ARHGAP35: variants seen among roughly 807,000 people sequenced by gnomAD.
ARHGAP35 encodes the protein rho GTPase-activating protein 35.
Under a neutral mutation model 111.1 loss-of-function variants are expected in ARHGAP35, and 15 were observed. The observed-to-expected ratio is 0.13, with a 90% confidence interval of 0.09 to 0.21. The LOEUF (loss-of-function observed/expected upper bound fraction) is 0.21, where lower values mean the gene tolerates loss of function less well. Ranked by LOEUF, ARHGAP35 falls within the 10% of genes least tolerant of loss-of-function variation. ARHGAP35 has a pLI of 1.00. For missense variants in ARHGAP35, 1,262 were observed against 1,873.0 expected (o/e 0.67, Z 6.02); for synonymous variants, 643 against 710.3 (o/e 0.91, Z 1.51).
At chr19:46,979,317 G>A (rs373657570) in intron 3 of ARHGAP35, among the ~76,000 whole-genome samples, 12 of 152,060 alleles carry the variant, frequency 7.9e-5, no homozygotes, top group African/African-American at 2.9e-4. Context: ...TTGGCAGGAC[G>A]GCTCTCCCAG....
intron 3 of ARHGAP35, chr19:46,947,745 G>T (rs1190685527): frequency 6.6e-6 from 1 of 152,186 alleles, no homozygotes; most frequent in Non-Finnish European, 1.5e-5. Context: ...CACATCCCCA[G>T]ACACCAGTTG....
intron 1 of ARHGAP35, among the ~76,000 whole-genome samples, chr19:46,870,508 G>A (rs2055882219): frequency 6.6e-6 from 1 of 151,990 alleles, no homozygotes; most frequent in Non-Finnish European, 1.5e-5. Flanking sequence ...GAACCCAGGA[G>A]GCGGAGCTTG....
intron 3 of ARHGAP35, among the ~76,000 whole-genome samples, chr19:46,983,606 C>CTTTTTTTTTTTTTT (rs11383795): frequency 1.4e-5 from 1 of 69,266 alleles, no homozygotes; most frequent in Non-Finnish European, 2.6e-5. Flanking sequence ...AATGTCCATT[C>CTTTTTTTTTTTTTT]TTTTTTTTTT....
rs1257223453 is a variant in ARHGAP35, at chr19:46,901,538, A to G, written c.-188-16950A>G. Among the ~76,000 whole-genome samples, 2 of 152,200 alleles carry G rather than the reference A, an allele frequency of 1.3e-5. No homozygotes were observed. The highest frequency in any genetic ancestry group is 2.4e-5 in the African/African-American group (1 of 41,438). On this transcript the variant is annotated intron_variant, in intron 1 of 6. Transcript: ENST00000672722. The surrounding 1 kb of genome is among the most constrained non-coding windows in gnomAD (Gnocchi z 4.5). Reference sequence around the variant, plus strand: ...GCGCCACTGCACTCCAGCCTGGGTGACAGAGCTTAGACTCTGTCTCACACA... The same window carrying G: ...GCGCCACTGCACTCCAGCCTGGGTGGCAGAGCTTAGACTCTGTCTCACACA...
In ARHGAP35 at chr19:47,001,143, T is replaced by G; in HGVS notation, c.*455T>G. On this transcript the variant is annotated 3_prime_UTR_variant, in exon 7 of 7. Transcript: ENST00000672722. This position sits in a 1 kb window ranked among gnomAD's most constrained non-coding sequence, Gnocchi z 5.4. ...TTGGTCTGTCTCTTCCCACCTTCCA[T>G]CTGCACACACCCCCAAGGTAAGGGT... is the stretch of plus-strand genomic sequence containing the variant. 1.6e-6 allele frequency: 2 copies of G among 1,226,964 alleles called. No homozygotes were observed. The allele number at this position is 1,226,964 out of a possible 1,614,324, so 76.0% of individuals were successfully genotyped here.
At chr19:46,872,503 A>G (rs1268163720) in intron 1 of ARHGAP35, among the ~76,000 whole-genome samples, 2 of 152,036 alleles carry the variant, frequency 1.3e-5, no homozygotes, top group African/African-American at 4.8e-5. Context: ...TGAGCTGAAA[A>G]GCAAGAAATT....
intron 1 of ARHGAP35, among the ~76,000 whole-genome samples, chr19:46,887,307 G>A (rs1310089250): frequency 6.6e-6 from 1 of 152,058 alleles, no homozygotes; most frequent in Admixed American, 6.5e-5. Context: ...CTGGAATGTG[G>A]GATCTTGGAT....
chr19:46,920,600 G>A lies in ARHGAP35; in HGVS notation c.1925G>A (p.Gly642Glu). The A allele has an allele frequency of 6.2e-7, 1 of 1,613,998 alleles. No individual in the cohort carries two copies. The highest frequency in any genetic ancestry group is 8.5e-7 in the Non-Finnish European group (1 of 1,179,902). Residue 642 changes from glycine (G) to glutamate (E), a missense_variant, in exon 2 of 7, where the codon GGG (glycine) becomes GAG (glutamate). Physicochemically the swap from Gly to Glu is moderately conservative, Grantham distance 98. This residue lies in a region of ARHGAP35 where 37 missense variants were observed against 83.9 expected (regional missense o/e 0.44). Transcript: ENST00000672722. The surrounding 1 kb of genome is among the most constrained non-coding windows in gnomAD (Gnocchi z 7.0). ...MYELSLRPIE[G>E]NVRLPVNSFQ... ...GAGCTTTCCCTGAGGCCAATAGAGGGGAATGTCAGGCTTCCTGTGAACTCT... is the reference window on the plus strand; with the variant it reads ...GAGCTTTCCCTGAGGCCAATAGAGGAGAATGTCAGGCTTCCTGTGAACTCT...
chr19:46,982,366 A>G (rs557363825), intron 3 of ARHGAP35, among the ~76,000 whole-genome samples: 1 of 151,714 alleles, frequency 6.6e-6, no homozygotes, highest in African/African-American at 2.4e-5. Flanking sequence ...AATCCCAGCT[A>G]CTCGGGAGGC....
At chr19:46,864,968 C>G (rs907362941) in intron 1 of ARHGAP35, among the ~76,000 whole-genome samples, 30 of 152,282 alleles carry the variant, frequency 2.0e-4, no homozygotes, top group Admixed American at 5.9e-4. Context: ...ATGAAAAGTT[C>G]CTGCATGCCA....
At chr19:46,914,103 G>C (rs1395276800) in intron 1 of ARHGAP35, among the ~76,000 whole-genome samples, 1 of 152,112 alleles carries the variant, frequency 6.6e-6, no homozygotes, top group Non-Finnish European at 1.5e-5. Context: ...AACAGTCTTT[G>C]TTTACCGTGT....
rs1568455415 is a variant in ARHGAP35 at position 46,861,105 on chromosome 19, C to T, written c.-293C>T. ...CCCCCGCCGCCGGAGCCGCCGCCGC[C>T]GCCTCAGCCGCCGCTGGACTAGGAG... On this transcript the variant is annotated 5_prime_UTR_variant, in exon 1 of 7. Transcript: ENST00000672722. 1.3e-5 allele frequency among the ~76,000 whole-genome samples: 2 copies of T among 151,216 alleles called. No homozygotes were observed. Among genetic ancestry groups the T allele is most frequent in the Non-Finnish European group, 3.0e-5 (2 of 67,450 alleles).
chr19:46,997,238 C>CTT (rs2056715667), intron 5 of ARHGAP35, among the ~76,000 whole-genome samples: 1 of 152,176 alleles, frequency 6.6e-6, no homozygotes, highest in African/African-American at 2.4e-5. Flanking sequence ...CTGCTCATAG[C>CTT]CCAATAACTA....
intron 1 of ARHGAP35, among the ~76,000 whole-genome samples, chr19:46,917,867 C>A (rs985921137): frequency 2.6e-5 from 4 of 152,024 alleles, no homozygotes; most frequent in Non-Finnish European, 2.9e-5. Flanking sequence ...GCACATGTCA[C>A]CACACCCAGC....
chr19:46,974,743 C>T (rs1409004258), intron 3 of ARHGAP35, among the ~76,000 whole-genome samples: 4 of 152,056 alleles, frequency 2.6e-5, no homozygotes, highest in Middle Eastern at 3.2e-3. Flanking sequence ...CCCCAGAGGT[C>T]GTGGGTGGGG....
intron 1 of ARHGAP35, among the ~76,000 whole-genome samples, chr19:46,881,587 G>C (rs182784752): frequency 2.8e-4 from 42 of 152,316 alleles, no homozygotes; most frequent in African/African-American, 1.0e-3. Flanking sequence ...AAACTATGCT[G>C]TAAACAGATG....
chr19:47,001,336 G>A lies in ARHGAP35; in HGVS notation c.*648G>A, dbSNP rs751844194. 35 of 1,290,204 alleles carry A rather than the reference G, an allele frequency of 2.7e-5. No homozygotes were observed. Among genetic ancestry groups the A allele is most frequent in the Non-Finnish European group, 3.4e-5 (34 of 989,182 alleles). 79.9% of individuals were successfully genotyped at this position (1,290,204 alleles called of 1,614,324 possible). ...TTCATCCCCACCGTCCCACTCCACA[G>A]CCTTCCCGAAACATTCCCTGGCAAA... On this transcript the variant is annotated 3_prime_UTR_variant, in exon 7 of 7. Transcript: ENST00000672722. The surrounding 1 kb of genome is among the most constrained non-coding windows in gnomAD (Gnocchi z 5.4).
chr19:46,987,254 C>T (rs1343933563), intron 3 of ARHGAP35, among the ~76,000 whole-genome samples: 1 of 116,514 alleles, frequency 8.6e-6, no homozygotes, highest in East Asian at 2.6e-4. Flanking sequence ...TCTCACCTGT[C>T]ACCCAGGCTG....
chr19:46,976,037 A>G (rs961592234), intron 3 of ARHGAP35, among the ~76,000 whole-genome samples: 9 of 152,144 alleles, frequency 5.9e-5, no homozygotes, highest in African/African-American at 2.2e-4. Flanking sequence ...TAATTGCCGT[A>G]TTTGCACTGC....
Sources: allele counts gnomAD v4.1 joint callset (sites outside exome capture counted in the v4.1 genomes callset), GRCh38; gene constraint gnomAD v4.1.1; regional missense constraint gnomAD v4.1.1; non-coding constraint Gnocchi (gnomAD v3.1); transcripts MANE v1.5; gene names NCBI Gene and HGNC (gene_info 2026-07-23, HGNC 2026-07-21).